Variants in FNDC3A observed in about 807,000 individuals in gnomAD.
FNDC3A encodes the protein fibronectin type-III domain-containing protein 3A.
In FNDC3A, 32 loss-of-function variants were observed where a neutral mutation model predicts 148.9. The observed-to-expected ratio is 0.21, with a 90% CI of 0.16 to 0.29. The LOEUF (loss-of-function observed/expected upper bound fraction) is 0.29. Ranked by LOEUF, FNDC3A falls within the 10% of genes least tolerant of loss-of-function variation. FNDC3A has a pLI of 1.00. For synonymous variants in FNDC3A, 472 were observed against 473.6 expected (o/e 1.00, Z 0.04); for missense variants, 1,191 against 1,452.8 (o/e 0.82, Z 2.93).
chr13:49,138,766 A>G lies in FNDC3A; in HGVS notation c.780A>G (p.Lys260=). 6.7e-7 allele frequency: 1 copy of G among 1,493,954 alleles called. No homozygotes were observed. Among genetic ancestry groups the G allele is most frequent in the South Asian group, 1.3e-5 (1 of 77,994 alleles). 92.5% of individuals were successfully genotyped at this position (1,493,954 alleles called of 1,614,324 possible). The change falls in exon 7 of 26, where the codon AAA becomes AAG. Residue 260 remains lysine, a synonymous_variant. Transcript: ENST00000492622. ...TEIEEKDEET[K]AFEALLSNIV... ...TTTAAGAAAAAGATGAAGAAACTAA[A>G]GCATTTGAAGCACTTCTTTCCAACA...
At chr13:49,011,166 T>A (rs1952335073) in intron 2 of FNDC3A, among the ~76,000 whole-genome samples, 1 of 151,784 alleles carries the variant, frequency 6.6e-6, no homozygotes, top group Non-Finnish European at 1.5e-5. Context: ...AAGTTCTTAG[T>A]CAGTCATAAG....
At chr13:48,997,529 G>A (rs902550142) in intron 1 of FNDC3A, among the ~76,000 whole-genome samples, 1 of 152,094 alleles carries the variant, frequency 6.6e-6, no homozygotes, top group Admixed American at 6.6e-5. Context: ...GCTTAGAGGA[G>A]AGCATGAGCA....
At chr13:49,122,741 G>A (rs140733228) in intron 4 of FNDC3A, among the ~76,000 whole-genome samples, 13 of 152,138 alleles carry the variant, frequency 8.5e-5, no homozygotes, top group African/African-American at 2.2e-4. Flanking sequence ...GTGAACTCCC[G>A]TTCAAAATTG....
chr13:49,106,597 C>T (rs948862723), intron 3 of FNDC3A, among the ~76,000 whole-genome samples: 1 of 152,178 alleles, frequency 6.6e-6, no homozygotes, highest in East Asian at 1.9e-4. Flanking sequence ...AGGCGCGAAG[C>T]AGCACACCCA....
intron 2 of FNDC3A, among the ~76,000 whole-genome samples, chr13:49,048,396 TATTA>T (rs985204410): frequency 2.6e-5 from 4 of 152,126 alleles, no homozygotes; most frequent in African/African-American, 9.7e-5. Flanking sequence ...ATTTTCACAA[TATTA>T]ATTCTACCCA....
At chr13:49,036,404 A>G (rs1186892941) in intron 2 of FNDC3A, among the ~76,000 whole-genome samples, 1 of 152,240 alleles carries the variant, frequency 6.6e-6, no homozygotes, top group Non-Finnish European at 1.5e-5. Flanking sequence ...TATATCAGAC[A>G]GCACAAATGC....
chr13:49,067,350 T>C (rs553823225), intron 2 of FNDC3A, among the ~76,000 whole-genome samples: 6 of 152,346 alleles, frequency 3.9e-5, no homozygotes, highest in African/African-American at 1.2e-4. Flanking sequence ...TTTCCCTGTT[T>C]ATCCTTCTCT....
chr13:49,190,147 A>G (rs1054831427), intron 17 of FNDC3A, among the ~76,000 whole-genome samples: 4 of 151,916 alleles, frequency 2.6e-5, no homozygotes, highest in African/African-American at 9.7e-5. Context: ...CAGCCTCCCA[A>G]AGCGCTGGGA....
intron 2 of FNDC3A, chr13:49,045,521 C>T (rs1349931532): frequency 7.2e-6 from 2 of 277,056 alleles, no homozygotes; most frequent in Non-Finnish European, 1.5e-5. Flanking sequence ...ATAAATAACC[C>T]TCCTGGCATG....
intron 9 of FNDC3A, 63 bp downstream of exon 9, chr13:49,167,366 T>C (rs1407884400): frequency 2.3e-6 from 2 of 885,036 alleles, no homozygotes; most frequent in Non-Finnish European, 3.4e-6. Flanking sequence ...TTTTAAATAA[T>C]TATTTTCTTA....
intron 2 of FNDC3A, among the ~76,000 whole-genome samples, chr13:49,050,777 C>T (rs545858798): frequency 1.7e-4 from 26 of 152,280 alleles, no homozygotes; most frequent in African/African-American, 5.1e-4. Context: ...TGCCGTCTAT[C>T]TCATTTCTTA....
At chr13:48,985,218 A>G (rs765341060) in intron 1 of FNDC3A, among the ~76,000 whole-genome samples, 1 of 152,240 alleles carries the variant, frequency 6.6e-6, no homozygotes. Flanking sequence ...AACCTGATAG[A>G]AAATGGGAAA....
intron 3 of FNDC3A, among the ~76,000 whole-genome samples, chr13:49,097,372 T>A (rs78242232): frequency 0.072 from 10,946 of 151,950 alleles, 959 homozygotes; most frequent in East Asian, 0.46. Context: ...ATTTTTTTTT[T>A]AAACACTTTT....
At chr13:49,030,878 T>A (rs1874062008) in intron 2 of FNDC3A, among the ~76,000 whole-genome samples, 1 of 152,190 alleles carries the variant, frequency 6.6e-6, no homozygotes, top group African/African-American at 2.4e-5. Context: ...TGGAAAAGCA[T>A]CTGATGATCA....
chr13:49,086,780 A>T (rs1878843971), intron 3 of FNDC3A, among the ~76,000 whole-genome samples: 1 of 152,198 alleles, frequency 6.6e-6, no homozygotes, highest in African/African-American at 2.4e-5. Context: ...TCATGATTGT[A>T]TTTAAAAATT....
intron 2 of FNDC3A, among the ~76,000 whole-genome samples, chr13:49,019,569 C>T (rs928835392): frequency 5.3e-5 from 8 of 152,242 alleles, no homozygotes; most frequent in Non-Finnish European, 7.3e-5. Context: ...TCTTCTGCGT[C>T]GCTCTCTCTG....
At chr13:49,144,106 G>A (rs192198770) in intron 7 of FNDC3A, among the ~76,000 whole-genome samples, 75 of 151,398 alleles carry the variant, frequency 5.0e-4, no homozygotes, top group Non-Finnish European at 9.3e-4. Context: ...TCCTATTCAC[G>A]TTCTCAAAGT....
Position 49,201,257 on chromosome 13 carries a change from A to G in FNDC3A, c.2988-543A>G, listed in dbSNP as rs755797529. Reference sequence around the variant, plus strand: ...AATGTATTGGAAATTTTATATTATCATACTGCTTTTGTAAATCTCTAAAAA... The same window carrying G: ...AATGTATTGGAAATTTTATATTATCGTACTGCTTTTGTAAATCTCTAAAAA... On this transcript the variant is annotated intron_variant, in intron 23 of 25. Transcript: ENST00000492622. 5.8e-5 allele frequency: 10 copies of G among 173,308 alleles called. No homozygotes were observed. In the East Asian group the frequency reaches 1.4e-3, roughly 24 times the overall value. The allele number at this position is 173,308 out of a possible 1,614,324, so 10.7% of individuals were successfully genotyped here.
intron 8 of FNDC3A, among the ~76,000 whole-genome samples, chr13:49,161,983 G>C (rs1884158760): frequency 6.6e-6 from 1 of 152,194 alleles, no homozygotes; most frequent in South Asian, 2.1e-4. Context: ...TCTGCTGTTA[G>C]TCTGATGGGC....
Sources: gnomAD v4.1 joint callset for allele counts (sites outside exome capture counted in the v4.1 genomes callset) on GRCh38, gnomAD v4.1.1 for gene constraint, MANE v1.5 for transcripts, NCBI Gene and HGNC (gene_info 2026-07-23, HGNC 2026-07-21) for gene names.